The following KIAA0930 variants were observed in gnomAD, a reference collection of about 807,000 sequenced individuals.
KIAA0930 encodes the protein uncharacterized protein KIAA0930.
A neutral mutation model predicts 43.9 loss-of-function variants in KIAA0930; 24 were observed. The observed-to-expected ratio is 0.55, with a 90% CI of 0.40 to 0.77. The LOEUF is 0.77. Among genes scored for constraint, KIAA0930 ranks in the 30% least tolerant of loss-of-function variants. The probability of loss-of-function intolerance (pLI) is 0.00; values close to 1 mark genes in which losing one functional copy is unlikely to be tolerated. For synonymous variants in KIAA0930, 259 were observed against 216.4 expected (o/e 1.20, Z -1.73); for missense variants, 461 against 574.2 (o/e 0.80, Z 2.02).
chr22:45,213,201 G>A (rs2083709545), intron 1 of KIAA0930: 2 of 809,596 alleles, frequency 2.5e-6, no homozygotes, highest in Non-Finnish European at 3.5e-6. Context: ...AGCCTTGGTT[G>A]ACGTCAGCCA....
chr22:45,206,750 T>A (rs965606551), intron 2 of KIAA0930, among the ~76,000 whole-genome samples: 1 of 147,678 alleles, frequency 6.8e-6, no homozygotes, highest in African/African-American at 2.5e-5. Context: ...TCACCCAGGC[T>A]ACAGTGCAAC....
intron 1 of KIAA0930, among the ~76,000 whole-genome samples, chr22:45,212,733 T>C (rs1983133636): frequency 6.6e-6 from 1 of 152,228 alleles, no homozygotes; most frequent in African/African-American, 2.4e-5. Context: ...ATGATAAATA[T>C]TTGTAATATT....
intron 1 of KIAA0930, among the ~76,000 whole-genome samples, chr22:45,233,450 T>C (rs566429078): frequency 6.6e-5 from 10 of 151,144 alleles, no homozygotes; most frequent in Non-Finnish European, 1.5e-4. Context: ...TTCCAAGGAG[T>C]CGGTAGGCCT....
At chr22:45,199,287 T>G (rs2083564764) in intron 8 of KIAA0930, among the ~76,000 whole-genome samples, 1 of 152,184 alleles carries the variant, frequency 6.6e-6, no homozygotes, top group South Asian at 2.1e-4. Flanking sequence ...GAGTGCAGAC[T>G]GTGCCTGGGC....
chr22:45,221,333 G>C (rs1273540092), intron 1 of KIAA0930, among the ~76,000 whole-genome samples: 2 of 152,220 alleles, frequency 1.3e-5, no homozygotes, highest in Admixed American at 1.3e-4. Flanking sequence ...TGGCATGGCA[G>C]TACGTAAAGA....
chr22:45,235,570 C>T (rs574100838), intron 1 of KIAA0930, among the ~76,000 whole-genome samples: 18 of 122,314 alleles, frequency 1.5e-4, no homozygotes, highest in African/African-American at 4.6e-4. Flanking sequence ...GGAGAGCTTC[C>T]GCATTGACTC....
At chr22:45,212,251 C>T in intron 1 of KIAA0930, 144 bp from the exon 2 acceptor site, 1 of 1,612,912 alleles carries the variant, frequency 6.2e-7, no homozygotes, top group Non-Finnish European at 8.5e-7. Flanking sequence ...TCCCTCACCA[C>T]TCCCGACCCC....
chr22:45,211,285 G>A (rs1214768149), intron 2 of KIAA0930: 1 of 397,900 alleles, frequency 2.5e-6, no homozygotes, highest in African/African-American at 2.1e-5. Flanking sequence ...ATATGGAGTT[G>A]ATTAAACATT....
At chr22:45,213,096 G>A (rs13055864) in intron 1 of KIAA0930, among the ~76,000 whole-genome samples, 18,951 of 152,258 alleles carry the variant, frequency 0.12, 1,371 homozygotes, top group East Asian at 0.21. Flanking sequence ...GGGAACGTGA[G>A]GGCCAGTGGT....
At chr22:45,228,522 A>G (rs1166739252) in intron 1 of KIAA0930, among the ~76,000 whole-genome samples, 1 of 152,168 alleles carries the variant, frequency 6.6e-6, no homozygotes, top group Non-Finnish European at 1.5e-5. Flanking sequence ...AGGGGAACAG[A>G]GCCCAGAGGC....
chr22:45,223,988 C>T (rs1207064173), intron 1 of KIAA0930, among the ~76,000 whole-genome samples: 1 of 152,198 alleles, frequency 6.6e-6, no homozygotes, highest in African/African-American at 2.4e-5. Flanking sequence ...TTACTAGTAT[C>T]CTCATGGCCT....
chr22:45,219,911 C>T (rs2083757501), intron 1 of KIAA0930, among the ~76,000 whole-genome samples: 1 of 152,034 alleles, frequency 6.6e-6, no homozygotes, highest in Admixed American at 6.6e-5. Context: ...TTTGGGAAGG[C>T]AATCCTATCA....
chr22:45,196,944 G>A lies in KIAA0930; in HGVS notation c.*232C>T, dbSNP rs1237749067. Reference sequence around the variant, plus strand: ...GGCTCTCCAGAGATGGGTGGGGGGCGATGGGCGGGGGGCACAGGGCGGAGC... The same window carrying A: ...GGCTCTCCAGAGATGGGTGGGGGGCAATGGGCGGGGGGCACAGGGCGGAGC... On this transcript the variant is annotated 3_prime_UTR_variant, in exon 10 of 10. Coordinates refer to ENST00000336156, the MANE Select transcript of KIAA0930 (RefSeq NM_001009880.2). The surrounding 1 kb of genome is among the most constrained non-coding windows in gnomAD (Gnocchi z 4.1). The A allele has an allele frequency of 1.4e-5, 7 of 492,118 alleles. No individual in the cohort carries two copies. In the South Asian group the frequency reaches 1.5e-4, roughly 10 times the overall value. The allele number at this position is 492,118 out of a possible 1,614,324, so 30.5% of individuals were successfully genotyped here. A position where few individuals can be genotyped will look rare whatever the true frequency, so the allele number is the denominator to read the frequency against.
At chr22:45,216,860 A>T (rs2083735901) in intron 1 of KIAA0930, among the ~76,000 whole-genome samples, 1 of 152,062 alleles carries the variant, frequency 6.6e-6, no homozygotes, top group South Asian at 2.1e-4. Flanking sequence ...CTCTGTGCTC[A>T]CGGCCCTGCC....
intron 1 of KIAA0930, among the ~76,000 whole-genome samples, chr22:45,230,532 C>T (rs2083846065): frequency 6.6e-6 from 1 of 150,970 alleles, no homozygotes; most frequent in Non-Finnish European, 1.5e-5. Context: ...AGAATCTCAA[C>T]AAACAGGCCT....
chr22:45,225,522 C>A (rs763198010), intron 1 of KIAA0930, among the ~76,000 whole-genome samples: 1 of 152,214 alleles, frequency 6.6e-6, no homozygotes, highest in Non-Finnish European at 1.5e-5. Context: ...CCCCGATGTT[C>A]CAGCCAGCCT....
intron 1 of KIAA0930, among the ~76,000 whole-genome samples, chr22:45,218,001 C>T (rs923182618): frequency 6.6e-6 from 1 of 152,148 alleles, no homozygotes; most frequent in South Asian, 2.1e-4. Context: ...CACCCCAGTG[C>T]GGTGTCTGCC....
intron 1 of KIAA0930, among the ~76,000 whole-genome samples, chr22:45,224,859 C>A (rs2083789106): frequency 6.6e-6 from 1 of 152,164 alleles, no homozygotes; most frequent in Non-Finnish European, 1.5e-5. Flanking sequence ...GCCGGGCCCT[C>A]TTCCCTGGGT....
At chr22:45,199,466 C>T (rs922331514) in intron 8 of KIAA0930, among the ~76,000 whole-genome samples, 6 of 152,182 alleles carry the variant, frequency 3.9e-5, no homozygotes, top group African/African-American at 1.4e-4. Context: ...ACCCTGAGGG[C>T]GAGCTGGCCC....
Sources: allele counts gnomAD v4.1 joint callset (sites outside exome capture counted in the v4.1 genomes callset), GRCh38; gene constraint gnomAD v4.1.1; non-coding constraint Gnocchi (gnomAD v3.1); transcripts MANE v1.5; gene names NCBI Gene and HGNC (gene_info 2026-07-23, HGNC 2026-07-21).